The following SESTD1 variants were observed in gnomAD, a reference collection of about 807,000 sequenced individuals.
The protein encoded by SESTD1 is SEC14 and spectrin domain containing 1, also known as SEC14 domain and spectrin repeat-containing protein 1.
Under a neutral mutation model 101.7 loss-of-function variants are expected in SESTD1, and 43 were observed. The ratio of observed to expected loss-of-function variants is 0.42; its 90% CI spans 0.33 to 0.55. SESTD1 has a LOEUF of 0.55. Ranked by LOEUF, SESTD1 falls within the 20% of genes least tolerant of loss-of-function variation. The pLI is 0.07. For missense variants in SESTD1, 647 were observed against 815.1 expected (o/e 0.79, Z 2.51); for synonymous variants, 283 against 286.8 (o/e 0.99, Z 0.13).
chr2:179,138,692 C>T (rs556470718), intron 9 of SESTD1, among the ~76,000 whole-genome samples: 20 of 151,716 alleles, frequency 1.3e-4, no homozygotes, highest in Non-Finnish European at 2.5e-4. Flanking sequence ...TGGTGAAACC[C>T]CATTTCTACA....
chr2:179,162,216 T>A (rs941991768), intron 5 of SESTD1, among the ~76,000 whole-genome samples: 3 of 151,924 alleles, frequency 2.0e-5, no homozygotes, highest in African/African-American at 7.3e-5. Flanking sequence ...TCAACTAATA[T>A]CTGAAAGTTT....
intron 1 of SESTD1, among the ~76,000 whole-genome samples, chr2:179,238,895 C>T (rs1574059269): frequency 6.6e-6 from 1 of 152,178 alleles, no homozygotes; most frequent in East Asian, 1.9e-4. Context: ...TTTCTTATCC[C>T]TAACTGCTTT....
intron 1 of SESTD1, among the ~76,000 whole-genome samples, chr2:179,240,927 A>G (rs1371440456): frequency 1.3e-5 from 2 of 152,224 alleles, no homozygotes; most frequent in Non-Finnish European, 2.9e-5. Flanking sequence ...TAAAGCAGCC[A>G]TGATGAAAAT....
intron 1 of SESTD1, among the ~76,000 whole-genome samples, chr2:179,218,616 A>G (rs1442035706): frequency 6.6e-6 from 1 of 152,244 alleles, no homozygotes; most frequent in African/African-American, 2.4e-5. Context: ...CTTAGAACAA[A>G]GCCCTTCTAC....
chr2:179,172,242 T>A lies in SESTD1; in HGVS notation c.256-9A>T. 2.0e-6 allele frequency: 3 copies of A among 1,527,538 alleles called. No individual in the cohort carries two copies. Among genetic ancestry groups the A allele is most frequent in the Non-Finnish European group, 2.7e-6 (3 of 1,114,812 alleles). 94.6% of individuals were successfully genotyped at this position (1,527,538 alleles called of 1,614,324 possible). On this transcript the variant is annotated splice_polypyrimidine_tract_variant and intron_variant, in intron 4 of 17. Coordinates refer to ENST00000428443, the MANE Select transcript of SESTD1 (RefSeq NM_178123.5). ...TCAGCTGGAACAACATTCTATAAAA[T>A]ACAGAAAAATAATTACAAATTACAC...
intron 2 of SESTD1, among the ~76,000 whole-genome samples, chr2:179,185,272 T>C (rs12693177): frequency 0.64 from 96,329 of 149,922 alleles, 32,208 homozygotes; most frequent in East Asian, 0.85. Context: ...CACAAAGCTA[T>C]GAATAAGAAT....
intron 1 of SESTD1, among the ~76,000 whole-genome samples, chr2:179,262,328 TAAAA>T (rs2047494853): frequency 6.6e-6 from 1 of 152,188 alleles, no homozygotes; most frequent in South Asian, 2.1e-4. Flanking sequence ...TTGCATACTT[TAAAA>T]AAGTGAATTC....
intron 7 of SESTD1, among the ~76,000 whole-genome samples, chr2:179,149,013 T>G (rs2045453733): frequency 8.2e-6 from 1 of 122,366 alleles, no homozygotes; most frequent in Non-Finnish European, 1.6e-5. Flanking sequence ...TAAGCCGAGA[T>G]AGCGCCACTG....
chr2:179,133,283 T>A (rs1156464489), intron 9 of SESTD1, among the ~76,000 whole-genome samples: 2 of 152,086 alleles, frequency 1.3e-5, no homozygotes, highest in African/African-American at 2.4e-5. Context: ...AACTCAAGGA[T>A]CCCCACCCCA....
chr2:179,115,014 A>G (rs1223257256), intron 16 of SESTD1, 51 bp downstream of exon 16: 13 of 1,459,116 alleles, frequency 8.9e-6, no homozygotes, highest in Non-Finnish European at 1.2e-5. Flanking sequence ...CATATTTTAA[A>G]CACATATAAT....
rs2044371357 is a variant in SESTD1 at position 179,105,862 on chromosome 2, A to G, written c.*4037T>C. On this transcript the variant is annotated 3_prime_UTR_variant, in exon 18 of 18. Transcript: ENST00000428443. ...CCAAACACTTTCCATTATATTCATTACAGTTCTTGTTTTAGCTGGTATGTT... is the reference window on the plus strand; with the variant it reads ...CCAAACACTTTCCATTATATTCATTGCAGTTCTTGTTTTAGCTGGTATGTT... The G allele has an allele frequency of 6.6e-6, 1 of 152,170 alleles. No individual in the cohort carries two copies. Among genetic ancestry groups the G allele is most frequent in the Non-Finnish European group, 1.5e-5 (1 of 68,016 alleles). 9.4% of individuals were successfully genotyped at this position (152,170 alleles called of 1,614,324 possible).
intron 9 of SESTD1, among the ~76,000 whole-genome samples, chr2:179,137,608 T>C (rs2045176953): frequency 6.6e-6 from 1 of 152,208 alleles, no homozygotes; most frequent in Admixed American, 6.5e-5. Flanking sequence ...TCCAGAAGCA[T>C]GTGAAATCTA....
chr2:179,198,386 G>C lies in SESTD1; in HGVS notation c.-25-6520C>G, dbSNP rs150694522. Among the ~76,000 whole-genome samples the C allele has an allele frequency of 9.2e-5, 14 of 152,228 alleles. No homozygotes were observed. The East Asian group carries it at 2.7e-3, about 29-fold the overall frequency. On this transcript the variant is annotated intron_variant, in intron 1 of 17. Transcript: ENST00000428443. ...CTTTAACACCCCACTGTCAACATTAGACAGATCAATGACACAGAAAGCCAA... is the reference window on the plus strand; with the variant it reads ...CTTTAACACCCCACTGTCAACATTACACAGATCAATGACACAGAAAGCCAA...
At chr2:179,123,336 C>A (rs2044794873) in intron 12 of SESTD1, among the ~76,000 whole-genome samples, 1 of 152,144 alleles carries the variant, frequency 6.6e-6, no homozygotes, top group Non-Finnish European at 1.5e-5. Flanking sequence ...GATAAAGCAA[C>A]AACAAAAATC....
chr2:179,251,844 A>G (rs534952219), intron 1 of SESTD1, among the ~76,000 whole-genome samples: 2 of 152,180 alleles, frequency 1.3e-5, no homozygotes, highest in Non-Finnish European at 2.9e-5. Context: ...ACCAGATACA[A>G]AATCTGCCGT....
At chr2:179,130,389 A>G (rs2105425947) in intron 10 of SESTD1, among the ~76,000 whole-genome samples, 1 of 152,266 alleles carries the variant, frequency 6.6e-6, no homozygotes, top group South Asian at 2.1e-4. Context: ...GCTTAAGCAC[A>G]TGGGAAGGGC....
chr2:179,170,796 T>C (rs1219699477), intron 5 of SESTD1, among the ~76,000 whole-genome samples: 1 of 152,106 alleles, frequency 6.6e-6, no homozygotes, highest in Non-Finnish European at 1.5e-5. Flanking sequence ...TAATGGCCAA[T>C]GATTTGGAGA....
chr2:179,194,657 G>A (rs2046364263), intron 1 of SESTD1, among the ~76,000 whole-genome samples: 1 of 152,092 alleles, frequency 6.6e-6, no homozygotes, highest in South Asian at 2.1e-4. Flanking sequence ...GTTATCAAGA[G>A]GGAGACCACA....
intron 1 of SESTD1, among the ~76,000 whole-genome samples, chr2:179,262,276 C>T (rs1281176565): frequency 6.6e-6 from 1 of 152,120 alleles, no homozygotes. Flanking sequence ...TGGATTAGTG[C>T]CGACATTTGC....
Sources: allele counts gnomAD v4.1 joint callset (sites outside exome capture counted in the v4.1 genomes callset), GRCh38; gene constraint gnomAD v4.1.1; transcripts MANE v1.5; gene names NCBI Gene and HGNC (gene_info 2026-07-23, HGNC 2026-07-21).